The following TAX1BP1 variants were observed in gnomAD, a reference collection of about 807,000 sequenced individuals.
TAX1BP1 encodes Tax1 binding protein 1, also known as tax1-binding protein 1.
TAX1BP1 carries 62 observed loss-of-function variants against 97.7 expected under a neutral mutation model. The observed-to-expected ratio is 0.63, with a 90% confidence interval of 0.52 to 0.78. The LOEUF (loss-of-function observed/expected upper bound fraction) is 0.78. Among genes scored for constraint, TAX1BP1 ranks in the 30% least tolerant of loss-of-function variants. The pLI is 0.00. For missense variants in TAX1BP1, 867 were observed against 916.1 expected (o/e 0.95, Z 0.69); for synonymous variants, 340 against 304.2 (o/e 1.12, Z -1.23).
intron 1 of TAX1BP1, among the ~76,000 whole-genome samples, chr7:27,744,906 A>G (rs1787762764): frequency 6.6e-6 from 1 of 152,238 alleles, no homozygotes; most frequent in Non-Finnish European, 1.5e-5. Context: ...TATAATATAC[A>G]GTTTACAGCA....
intron 3 of TAX1BP1, 48 bp from the exon 4 acceptor site, chr7:27,765,786 A>C: frequency 6.7e-7 from 1 of 1,502,170 alleles, no homozygotes; most frequent in Non-Finnish European, 9.2e-7. Context: ...AATAACATGA[A>C]TTTTATAATA....
chr7:27,756,047 C>T (rs1281825313), intron 2 of TAX1BP1, among the ~76,000 whole-genome samples: 3 of 152,124 alleles, frequency 2.0e-5, no homozygotes, highest in Admixed American at 1.3e-4. Context: ...AGTTCTAGCC[C>T]GGTGACCAGG....
At chr7:27,773,382 G>C (rs1489631082) in intron 5 of TAX1BP1, among the ~76,000 whole-genome samples, 1 of 152,014 alleles carries the variant, frequency 6.6e-6, no homozygotes, top group Non-Finnish European at 1.5e-5. Context: ...CATTACCATA[G>C]TCTAATTTAG....
At chr7:27,794,579 A>G (rs891972608) in intron 11 of TAX1BP1, 133 bp downstream of exon 11, 16 of 924,320 alleles carry the variant, frequency 1.7e-5, no homozygotes, top group African/African-American at 1.5e-4. Context: ...TGAGGCAACA[A>G]GAAAATAAGG....
chr7:27,826,247 TCCC>T (rs916711725), intron 15 of TAX1BP1, among the ~76,000 whole-genome samples: 2 of 152,186 alleles, frequency 1.3e-5, no homozygotes, highest in South Asian at 2.1e-4. Context: ...CCCAATTTAA[TCCC>T]CCATTAGGTT....
intron 13 of TAX1BP1, among the ~76,000 whole-genome samples, chr7:27,801,513 A>G (rs1470185362): frequency 2.0e-5 from 3 of 152,134 alleles, no homozygotes; most frequent in Admixed American, 6.5e-5. Flanking sequence ...GACTAGGAAA[A>G]TGGTTTAGTA....
At chr7:27,763,323 T>C (rs1788500225) in intron 3 of TAX1BP1, among the ~76,000 whole-genome samples, 1 of 152,248 alleles carries the variant, frequency 6.6e-6, no homozygotes, top group South Asian at 2.1e-4. Flanking sequence ...AATTTAGTTT[T>C]CACTTTTTCC....
At position 27,816,384 on chromosome 7, in the gene TAX1BP1, G is replaced by C; in HGVS notation, c.1800G>C (p.Arg600Ser). Residue 600 changes from arginine (R) to serine (S), a missense_variant, in exon 14 of 17, where the codon AGG becomes AGC. Transcript: ENST00000396319. ...LKRSLENPAE[R>S]KMEGQNSQSP... ...GGAGTCTAGAAAATCCAGCAGAAAG[G>C]AAAATGGAAGGTCAGAATTCCCAGA... 1 of 1,584,378 alleles carries C rather than the reference G, an allele frequency of 6.3e-7. No individual in the cohort carries two copies. The highest frequency in any genetic ancestry group is 1.9e-5 in the Admixed American group (1 of 51,310).
Position 27,827,758 on chromosome 7 carries a change from T to C in TAX1BP1, c.2106T>C (p.Thr702=). Reference sequence around the variant, plus strand: ...CCTAGGAAGATGAGAATGTGCCTACTGCTCCTGATCCTCCAAGTCAACATT... The same window carrying C: ...CCTAGGAAGATGAGAATGTGCCTACCGCTCCTGATCCTCCAAGTCAACATT... ...EDSKEDENVP[T]APDPPSQHLR... Residue 702 remains threonine (T), a synonymous_variant, in exon 16 of 17, where the codon ACT becomes ACC. Coordinates refer to ENST00000396319, the MANE Select transcript of TAX1BP1 (RefSeq NM_006024.7). The C allele has an allele frequency of 6.2e-7, 1 of 1,613,908 alleles. No individual in the cohort carries two copies. The highest frequency in any genetic ancestry group is 1.3e-5 in the African/African-American group (1 of 75,064).
intron 15 of TAX1BP1, among the ~76,000 whole-genome samples, chr7:27,827,030 C>T (rs759164241): frequency 6.6e-6 from 1 of 152,072 alleles, no homozygotes; most frequent in South Asian, 2.1e-4. Flanking sequence ...TAAATGAGAA[C>T]GTTTGGGACA....
intron 13 of TAX1BP1, among the ~76,000 whole-genome samples, chr7:27,814,969 C>T (rs894234851): frequency 6.6e-6 from 1 of 152,132 alleles, no homozygotes; most frequent in African/African-American, 2.4e-5. Flanking sequence ...GATCTCCTGA[C>T]CTTGTGATCC....
intron 4 of TAX1BP1, among the ~76,000 whole-genome samples, chr7:27,769,223 AT>A (rs1788752837): frequency 6.6e-6 from 1 of 151,904 alleles, no homozygotes; most frequent in South Asian, 2.1e-4. Context: ...TTTAGTAGTA[AT>A]TCCATAGATG....
rs1347700983 is a variant in TAX1BP1, at chr7:27,755,275, A to G, written c.163-2756A>G. The stretch of plus-strand genomic sequence containing the variant: ...TGTGGGCGTTTTTCCTCACTTAATT[A>G]TATTTCTTGGGAATCCTCCTATATC... On this transcript the variant is annotated intron_variant, in intron 2 of 16. Coordinates refer to ENST00000396319, the MANE Select transcript of TAX1BP1 (RefSeq NM_006024.7). 1.3e-5 allele frequency among the ~76,000 whole-genome samples: 2 copies of G among 152,134 alleles called. 1 individual carries two copies. Among genetic ancestry groups the G allele is most frequent in the Non-Finnish European group, 2.9e-5 (2 of 68,016 alleles).
intron 1 of TAX1BP1, among the ~76,000 whole-genome samples, chr7:27,742,835 C>A (rs1427345326): frequency 6.6e-6 from 1 of 152,174 alleles, no homozygotes; most frequent in African/African-American, 2.4e-5. Flanking sequence ...AATTAACCAG[C>A]AAATACCTTT....
chr7:27,815,958 C>T (rs922472851), intron 13 of TAX1BP1, among the ~76,000 whole-genome samples: 11 of 152,038 alleles, frequency 7.2e-5, no homozygotes, highest in South Asian at 2.1e-4. Flanking sequence ...TGCTTGAACC[C>T]AGGAGGTGGA....
Position 27,796,201 on chromosome 7 carries a change from A to C in TAX1BP1, c.1620A>C (p.Lys540Asn). 2.5e-6 allele frequency: 4 copies of C among 1,586,896 alleles called. No homozygotes were observed. The highest frequency in any genetic ancestry group is 1.9e-5 in the Admixed American group (1 of 51,718). Residue 540 changes from lysine (K) to asparagine (N), a missense_variant, in exon 12 of 17, where the codon AAA (lysine) becomes AAC (asparagine). Lys to Asn is a moderately conservative substitution (Grantham distance 94). Around this residue, in one of 3 missense-constraint regions of TAX1BP1, gnomAD observed 822 missense variants for 851.4 expected, o/e 0.97. Transcript: ENST00000396319. The stretch of plus-strand genomic sequence containing the variant: ...CTGACAAAACAGAAAAGTATAATAA[A>C]TGTAAACAACTCTTGCAGGTAAGTT... ...EIADKTEKYN[K>N]CKQLLQDEKA... is the part of the protein sequence containing the mutation.
At chr7:27,794,250 T>A (rs1789831656) in intron 10 of TAX1BP1, 73 bp from the exon 11 acceptor site, 1 of 1,263,360 alleles carries the variant, frequency 7.9e-7, no homozygotes, top group East Asian at 2.5e-5. Flanking sequence ...AAATATTATT[T>A]ACTTAGTTAC....
intron 2 of TAX1BP1, among the ~76,000 whole-genome samples, chr7:27,750,061 G>T (rs949916549): frequency 4.3e-4 from 66 of 152,260 alleles, no homozygotes; most frequent in African/African-American, 1.5e-3. Context: ...AAAGTGCTGG[G>T]ATTACAGGTG....
At chr7:27,819,113 G>A (rs949038767) in intron 15 of TAX1BP1, among the ~76,000 whole-genome samples, 6 of 152,074 alleles carry the variant, frequency 3.9e-5, no homozygotes, top group Non-Finnish European at 5.9e-5. Flanking sequence ...CATCAACGTT[G>A]TAATGAACCG....
Sources: allele counts gnomAD v4.1 joint callset (sites outside exome capture counted in the v4.1 genomes callset), GRCh38; gene constraint gnomAD v4.1.1; regional missense constraint gnomAD v4.1.1; transcripts MANE v1.5; gene names NCBI Gene and HGNC (gene_info 2026-07-23, HGNC 2026-07-21).